CTNNBIP1: variants seen among roughly 807,000 people sequenced by gnomAD.
The protein encoded by CTNNBIP1 is beta-catenin-interacting protein 1.
A neutral mutation model predicts 11.8 loss-of-function variants in CTNNBIP1; 7 were observed. That is an observed-to-expected ratio of 0.60 (90% CI 0.34 to 1.12). The LOEUF is 1.12. Ranked by LOEUF, CTNNBIP1 falls within the 50% of genes most tolerant of loss-of-function variation. CTNNBIP1 has a pLI of 0.03. For synonymous variants in CTNNBIP1, 58 were observed against 43.9 expected, an observed-to-expected ratio of 1.32 and a Z score of -1.26; for missense variants, 101 against 113.4, an observed-to-expected ratio of 0.89 and a Z score of 0.50.
intron 2 of CTNNBIP1, among the ~76,000 whole-genome samples, chr1:9,882,787 G>T (rs1639111151): frequency 6.6e-6 from 1 of 152,206 alleles, no homozygotes; most frequent in Non-Finnish European, 1.5e-5. Flanking sequence ...AGGCCCCAAA[G>T]GACAGGCTGG....
chr1:9,864,986 T>C (rs1638713430), intron 5 of CTNNBIP1, among the ~76,000 whole-genome samples: 1 of 152,168 alleles, frequency 6.6e-6, no homozygotes, highest in Non-Finnish European at 1.5e-5. Context: ...CCCAGCACCT[T>C]GGGAGGCCAA....
At position 9,851,136 on chromosome 1, in the gene CTNNBIP1, G is replaced by A. The variant is rs1638375631; in HGVS notation, c.188-360C>T. Among the ~76,000 whole-genome samples the A allele has an allele frequency of 6.6e-6, 1 of 152,182 alleles. No homozygotes were observed. The highest frequency in any genetic ancestry group is 1.5e-5 in the Non-Finnish European group (1 of 68,040). ...GAGTTACCAAAGCCAGAGGCGGGGT[G>A]GCCCTTGGGAACCTCCCTCTTTCTT... is the stretch of plus-strand genomic sequence containing the variant. On this transcript the variant is annotated intron_variant, in intron 5 of 5. Coordinates refer to ENST00000377263, the MANE Select transcript of CTNNBIP1 (RefSeq NM_020248.3). The surrounding 1 kb of genome is among the most constrained non-coding windows in gnomAD (Gnocchi z 4.8).
At chr1:9,875,568 G>A (rs1429875315) in intron 3 of CTNNBIP1, among the ~76,000 whole-genome samples, 1 of 152,246 alleles carries the variant, frequency 6.6e-6, no homozygotes, top group Non-Finnish European at 1.5e-5. Context: ...GGCCTGCGGT[G>A]TCGTCTGCGC....
intron 1 of CTNNBIP1, among the ~76,000 whole-genome samples, chr1:9,903,654 G>C (rs1007386457): frequency 6.6e-6 from 1 of 152,132 alleles, no homozygotes; most frequent in East Asian, 1.9e-4. Flanking sequence ...TGGGAACTAC[G>C]AAGGTACAAG....
rs1638480181 is a variant in CTNNBIP1 at position 9,855,389 on chromosome 1, C to T, written c.188-4613G>A. On this transcript the variant is annotated intron_variant, in intron 5 of 5. Transcript: ENST00000377263. ...TCACACTTCCCAATTTCAAAACTTA[C>T]TACAAAGGCAAGGTCAACGAGACTG... Among the ~76,000 whole-genome samples the T allele has an allele frequency of 1.3e-5, 2 of 151,418 alleles. 1 individual carries two copies. The highest frequency in any genetic ancestry group is 4.2e-4 in the South Asian group (2 of 4,814).
rs1032565833 is a variant in CTNNBIP1, at chr1:9,848,321, T to C, written c.*2397A>G. 2 of 152,216 alleles carry C rather than the reference T, an allele frequency of 1.3e-5. No homozygotes were observed. The highest frequency in any genetic ancestry group is 3.8e-4 in the East Asian group (2 of 5,196). The allele number at this position is 152,216 out of a possible 1,614,324, so 9.4% of individuals were successfully genotyped here. The stretch of plus-strand genomic sequence containing the variant: ...TGTTAATTTCTTTCTCCAACAGATA[T>C]ATTTTTAGTTGAAATATGGAGCCAC... On this transcript the variant is annotated 3_prime_UTR_variant, in exon 6 of 6. Coordinates refer to ENST00000377263, the MANE Select transcript of CTNNBIP1 (RefSeq NM_020248.3). This position sits in a 1 kb window ranked among gnomAD's most constrained non-coding sequence, Gnocchi z 4.3.
chr1:9,900,465 G>A (rs1015615794), intron 1 of CTNNBIP1, among the ~76,000 whole-genome samples: 5 of 152,166 alleles, frequency 3.3e-5, no homozygotes, highest in Admixed American at 6.5e-5. Flanking sequence ...AGTGCAGTGC[G>A]GTGCCTGACG....
intron 1 of CTNNBIP1, among the ~76,000 whole-genome samples, chr1:9,898,991 T>C (rs1203462734): frequency 6.6e-6 from 1 of 152,236 alleles, no homozygotes; most frequent in Non-Finnish European, 1.5e-5. Context: ...AAAAAATTTT[T>C]TACTTCCGTA....
At chr1:9,896,939 C>A (rs1444249451) in intron 1 of CTNNBIP1, among the ~76,000 whole-genome samples, 5 of 151,600 alleles carry the variant, frequency 3.3e-5, no homozygotes, top group Admixed American at 2.0e-4. Context: ...TGCACTCCAG[C>A]CTGGGCGACA....
chr1:9,875,955 G>A (rs534804172), intron 3 of CTNNBIP1, among the ~76,000 whole-genome samples: 1 of 152,320 alleles, frequency 6.6e-6, no homozygotes, highest in East Asian at 1.9e-4. Flanking sequence ...TGCTCAACGA[G>A]TATATTAAAG....
intron 5 of CTNNBIP1, among the ~76,000 whole-genome samples, chr1:9,868,719 C>T (rs1392175521): frequency 6.6e-6 from 1 of 151,942 alleles, no homozygotes; most frequent in African/African-American, 2.4e-5. Flanking sequence ...GCTCCGCCTC[C>T]CAGATTCAAG....
At chr1:9,898,744 C>A (rs1266144036) in intron 1 of CTNNBIP1, among the ~76,000 whole-genome samples, 1 of 152,180 alleles carries the variant, frequency 6.6e-6, no homozygotes, top group African/African-American at 2.4e-5. Context: ...CCAAAATCCA[C>A]AGATGCTCTA....
chr1:9,876,845 T>C (rs1282369602), intron 3 of CTNNBIP1, among the ~76,000 whole-genome samples: 29 of 138,210 alleles, frequency 2.1e-4, no homozygotes, highest in East Asian at 1.1e-3. Flanking sequence ...CTGCTATACA[T>C]ACACACACAC....
Position 9,910,205 on chromosome 1 carries a change from T to TAGC in CTNNBIP1, c.-257_-255dup, listed in dbSNP as rs1553194064. Reference sequence around the variant, plus strand: ...CGAGCAGCCGCTGCGGCGGCGGCAGTAGCAGCAGCAGGAGCGGCCGCCTCA... The same window carrying TAGC: ...CGAGCAGCCGCTGCGGCGGCGGCAGTAGCAGCAGCAGCAGGAGCGGCCGCCTCA... On this transcript the variant is annotated 5_prime_UTR_variant, in exon 1 of 6. Transcript: ENST00000377263. The TAGC allele has an allele frequency of 6.8e-6, 1 of 147,134 alleles. No homozygotes were observed. The highest frequency in any genetic ancestry group is 1.5e-5 in the Non-Finnish European group (1 of 66,048). 9.1% of individuals were successfully genotyped at this position (147,134 alleles called of 1,614,324 possible).
intron 5 of CTNNBIP1, among the ~76,000 whole-genome samples, chr1:9,864,206 A>G (rs1638693023): frequency 6.6e-6 from 1 of 152,222 alleles, no homozygotes; most frequent in Admixed American, 6.5e-5. Flanking sequence ...AGAGACAAGA[A>G]GGGTGGCAGC....
rs115617847 is a variant in CTNNBIP1, at chr1:9,872,759, G to C, written c.-24-671C>G. ...GTAGCTCCTGCAGGCAGCTGGGAAGGCCAGCAGCGTGTCCACATGCAGCAG... is the reference window on the plus strand; with the variant it reads ...GTAGCTCCTGCAGGCAGCTGGGAAGCCCAGCAGCGTGTCCACATGCAGCAG... On this transcript the variant is annotated intron_variant, in intron 3 of 5. Coordinates refer to ENST00000377263, the MANE Select transcript of CTNNBIP1 (RefSeq NM_020248.3). The surrounding 1 kb of genome is among the most constrained non-coding windows in gnomAD (Gnocchi z 4.0). Among the ~76,000 whole-genome samples, 928 of 152,272 alleles carry C rather than the reference G, an allele frequency of 6.1e-3. 10 individuals are homozygous for C. Among genetic ancestry groups the C allele is most frequent in the African/African-American group, 0.021 (875 of 41,554 alleles).
intron 1 of CTNNBIP1, among the ~76,000 whole-genome samples, chr1:9,908,128 G>C (rs1412579833): frequency 6.6e-6 from 1 of 152,056 alleles, no homozygotes; most frequent in Non-Finnish European, 1.5e-5. Context: ...GCGCAATCTC[G>C]GCTCACCGCA....
chr1:9,905,065 C>A (rs1475258557), intron 1 of CTNNBIP1, among the ~76,000 whole-genome samples: 1 of 152,174 alleles, frequency 6.6e-6, no homozygotes, highest in Non-Finnish European at 1.5e-5. Flanking sequence ...CAAGGAGAGC[C>A]TATTCCAGCC....
At chr1:9,882,880 T>A (rs1639112934) in intron 2 of CTNNBIP1, among the ~76,000 whole-genome samples, 1 of 152,298 alleles carries the variant, frequency 6.6e-6, no homozygotes, top group Admixed American at 6.5e-5. Flanking sequence ...AAGTCAGCAC[T>A]ACGGTGAACA....
Sources: gnomAD v4.1 joint callset for allele counts (sites outside exome capture counted in the v4.1 genomes callset) on GRCh38, gnomAD v4.1.1 for gene constraint, Gnocchi (gnomAD v3.1) non-coding constraint, MANE v1.5 for transcripts, NCBI Gene and HGNC (gene_info 2026-07-23, HGNC 2026-07-21) for gene names.